NECAB1: variants seen among roughly 807,000 people sequenced by gnomAD.
NECAB1 encodes N-terminal EF-hand calcium binding protein 1.
A neutral mutation model predicts 57.5 loss-of-function variants in NECAB1; 29 were observed. The observed-to-expected ratio is 0.50, with a 90% CI of 0.38 to 0.69. The LOEUF (loss-of-function observed/expected upper bound fraction) is 0.69, where lower values mean the gene tolerates loss of function less well. Among genes scored for constraint, NECAB1 ranks in the 30% least tolerant of loss-of-function variants. The probability of loss-of-function intolerance (pLI) is 0.00; values close to 1 mark genes in which losing one functional copy is unlikely to be tolerated. For missense variants in NECAB1, 372 were observed against 413.8 expected, an observed-to-expected ratio of 0.90 and a Z score of 0.88; for synonymous variants, 142 against 147.7, an observed-to-expected ratio of 0.96 and a Z score of 0.28.
intron 6 of NECAB1, 146 bp downstream of exon 6, chr8:90,917,774 T>G: frequency 1.5e-6 from 1 of 676,228 alleles, no homozygotes; most frequent in Non-Finnish European, 2.1e-6. Context: ...CACTGGTTGC[T>G]TGCCTTATTA....
At chr8:90,914,988 T>G (rs547100446) in intron 5 of NECAB1, among the ~76,000 whole-genome samples, 1 of 152,206 alleles carries the variant, frequency 6.6e-6, no homozygotes, top group African/African-American at 2.4e-5. Flanking sequence ...CTCTTTTCTA[T>G]AATTCTGACA....
intron 2 of NECAB1, among the ~76,000 whole-genome samples, chr8:90,805,313 T>C (rs1481872224): frequency 1.3e-5 from 2 of 152,146 alleles, no homozygotes; most frequent in African/African-American, 4.8e-5. Flanking sequence ...GACAGCATAA[T>C]TGGTGACAGA....
chr8:90,829,710 A>G (rs1469634278), intron 3 of NECAB1, among the ~76,000 whole-genome samples: 1 of 152,130 alleles, frequency 6.6e-6, no homozygotes, highest in East Asian at 1.9e-4. Flanking sequence ...GAAGCACACC[A>G]GAGTGACAAA....
intron 5 of NECAB1, among the ~76,000 whole-genome samples, chr8:90,883,520 T>C (rs765125872): frequency 6.6e-6 from 1 of 152,212 alleles, no homozygotes; most frequent in Non-Finnish European, 1.5e-5. Context: ...CCTTTTGTGA[T>C]CTATCTTGAC....
intron 10 of NECAB1, among the ~76,000 whole-genome samples, chr8:90,947,348 AC>A (rs1334092716): frequency 4.7e-5 from 7 of 148,390 alleles, no homozygotes; most frequent in African/African-American, 7.5e-5. Flanking sequence ...ACACACACAC[AC>A]ACAATAAGCC....
At chr8:90,955,133 T>A (rs1179280975) in intron 12 of NECAB1, among the ~76,000 whole-genome samples, 2 of 134,532 alleles carry the variant, frequency 1.5e-5, no homozygotes, top group Non-Finnish European at 3.2e-5. Flanking sequence ...TATATATATA[T>A]ATATATATAT....
chr8:90,818,737 A>G (rs141999350), intron 2 of NECAB1, among the ~76,000 whole-genome samples: 1 of 151,960 alleles, frequency 6.6e-6, no homozygotes, highest in Non-Finnish European at 1.5e-5. Flanking sequence ...GGGGAGATTG[A>G]TCCTCTTTGG....
At chr8:90,889,311 A>G (rs931463372) in intron 5 of NECAB1, among the ~76,000 whole-genome samples, 1 of 152,226 alleles carries the variant, frequency 6.6e-6, no homozygotes, top group Non-Finnish European at 1.5e-5. Flanking sequence ...AAAAAATGTC[A>G]GCTAACGCCC....
intron 5 of NECAB1, 74 bp from the exon 6 acceptor site, chr8:90,917,418 G>A (rs1299253946): frequency 1.5e-6 from 2 of 1,351,906 alleles, no homozygotes; most frequent in Non-Finnish European, 1.9e-6. Flanking sequence ...TGGGTACATG[G>A]TAAAAGAAAA....
chr8:90,930,511 C>A (rs184412908), intron 8 of NECAB1, among the ~76,000 whole-genome samples: 13 of 152,222 alleles, frequency 8.5e-5, no homozygotes, highest in African/African-American at 3.1e-4. Context: ...GAAGTCAGGC[C>A]AACAGGTTAA....
At chr8:90,893,324 G>A (rs1002686343) in intron 5 of NECAB1, among the ~76,000 whole-genome samples, 4 of 152,078 alleles carry the variant, frequency 2.6e-5, no homozygotes, top group African/African-American at 9.7e-5. Flanking sequence ...TTACTTGTCT[G>A]TCATCCCAAC....
chr8:90,868,567 G>C (rs551213861), intron 3 of NECAB1, among the ~76,000 whole-genome samples: 6 of 152,294 alleles, frequency 3.9e-5, no homozygotes, highest in Non-Finnish European at 8.8e-5. Context: ...CCTGTTCTAA[G>C]GATCTGTGGA....
chr8:90,907,145 TGTGTGTGAGA>T (rs1809702557), intron 5 of NECAB1, among the ~76,000 whole-genome samples: 2 of 104,228 alleles, frequency 1.9e-5, no homozygotes, highest in Non-Finnish European at 1.8e-5. Context: ...TGTGTGTGTG[TGTGTGTGAGA>T]GAGAGAGAGA....
intron 2 of NECAB1, among the ~76,000 whole-genome samples, chr8:90,814,734 C>G (rs1032496670): frequency 6.6e-6 from 1 of 152,002 alleles, no homozygotes; most frequent in Non-Finnish European, 1.5e-5. Flanking sequence ...CTGGTATTAA[C>G]AGATGCTTCA....
chr8:90,827,955 T>G lies in NECAB1; in HGVS notation c.233+3130T>G, dbSNP rs950530090. On this transcript the variant is annotated intron_variant, in intron 3 of 12. Coordinates refer to ENST00000417640, the MANE Select transcript of NECAB1 (RefSeq NM_022351.5). ...AGTAGTGTAATTATTTAAAAAAAAG[T>G]CTTAAGAAAACAAAAATATATTGCC... is the stretch of plus-strand genomic sequence containing the variant. Among the ~76,000 whole-genome samples, 9 of 152,028 alleles carry G rather than the reference T, an allele frequency of 5.9e-5. No homozygotes were observed. The South Asian group carries it at 1.9e-3, about 32-fold the overall frequency.
rs1180065087 is a variant in NECAB1 at position 90,791,845 on chromosome 8, C to A, written c.-42C>A. 6.7e-7 allele frequency: 1 copy of A among 1,490,958 alleles called. No homozygotes were observed. Among genetic ancestry groups the A allele is most frequent in the East Asian group, 2.5e-5 (1 of 40,298 alleles). 92.4% of individuals were successfully genotyped at this position (1,490,958 alleles called of 1,614,324 possible). On this transcript the variant is annotated 5_prime_UTR_variant, in exon 1 of 13. Transcript: ENST00000417640. ...GCGCCCTTGCCAGAGCCGGTGCGTC[C>A]GCCTAGCCCCGCTCCGCCTGAGGCC...
chr8:90,941,390 A>G (rs1158176697), intron 10 of NECAB1, among the ~76,000 whole-genome samples: 1 of 152,206 alleles, frequency 6.6e-6, no homozygotes, highest in Non-Finnish European at 1.5e-5. Context: ...ATTAAAAGAA[A>G]ATGAAGCAGC....
chr8:90,801,664 T>TA (rs1811760632), intron 1 of NECAB1, 27 bp from the exon 2 acceptor site: 1 of 1,482,942 alleles, frequency 6.7e-7, no homozygotes, highest in African/African-American at 1.4e-5. Context: ...AAAATGCTGA[T>TA]AAAATTTTTT....
Position 90,949,771 on chromosome 8 carries a change from C to T in NECAB1, c.861-36C>T, listed in dbSNP as rs769436008. Reference sequence around the variant, plus strand: ...AAAAGTTAGCTTGCATCTTTAATTTCCAGTAGCTAATTATGCCTTTTATTT... The same window carrying T: ...AAAAGTTAGCTTGCATCTTTAATTTTCAGTAGCTAATTATGCCTTTTATTT... On this transcript the variant is annotated intron_variant, in intron 10 of 12. Transcript: ENST00000417640. 3 of 1,254,392 alleles carry T rather than the reference C, an allele frequency of 2.4e-6. No homozygotes were observed. In the East Asian group the frequency reaches 7.2e-5, roughly 30 times the overall value. 77.7% of individuals were successfully genotyped at this position (1,254,392 alleles called of 1,614,324 possible). A position where few individuals can be genotyped will look rare whatever the true frequency, so the allele number is the denominator to read the frequency against.
Sources: allele counts gnomAD v4.1 joint callset (sites outside exome capture counted in the v4.1 genomes callset), GRCh38; gene constraint gnomAD v4.1.1; transcripts MANE v1.5; gene names NCBI Gene and HGNC (gene_info 2026-07-23, HGNC 2026-07-21).